EDEM2: variants seen among roughly 807,000 people sequenced by gnomAD.
The protein encoded by EDEM2 is ER degradation enhancing alpha-mannosidase like protein 2, also known as ER degradation-enhancing alpha-mannosidase-like protein 2.
Under a neutral mutation model 64.8 loss-of-function variants are expected in EDEM2, and 39 were observed. The ratio of observed to expected loss-of-function variants is 0.60; its 90% CI spans 0.47 to 0.79. The LOEUF (loss-of-function observed/expected upper bound fraction) is 0.79. Among genes scored for constraint, EDEM2 ranks in the 30% least tolerant of loss-of-function variants. The pLI is 0.00. For missense variants in EDEM2, 609 were observed against 731.3 expected, an observed-to-expected ratio of 0.83 and a Z score of 1.93; for synonymous variants, 296 against 291.5, an observed-to-expected ratio of 1.02 and a Z score of -0.16.
chr20:35,137,782 A>T (rs2085597648), intron 5 of EDEM2, 98 bp downstream of exon 5: 1 of 1,495,810 alleles, frequency 6.7e-7, no homozygotes, highest in Non-Finnish European at 9.0e-7. Flanking sequence ...CCTGGTGAGA[A>T]ATACCAGGAA....
chr20:35,142,303 C>T (rs891841745), intron 4 of EDEM2, 70 bp downstream of exon 4: 1 of 1,260,228 alleles, frequency 7.9e-7, no homozygotes, highest in Non-Finnish European at 1.1e-6. Flanking sequence ...ATCCTATTTA[C>T]CACTTCTTGG....
chr20:35,141,424 A>C (rs572041791), intron 4 of EDEM2, among the ~76,000 whole-genome samples: 51 of 152,336 alleles, frequency 3.3e-4, no homozygotes, highest in African/African-American at 9.4e-4. Context: ...TACAGATGAC[A>C]AACTGGGCTC....
At chr20:35,120,133 C>T (rs975331264) in intron 9 of EDEM2, among the ~76,000 whole-genome samples, 3 of 152,076 alleles carry the variant, frequency 2.0e-5, no homozygotes, top group Admixed American at 1.3e-4. Context: ...GTGCGATCTC[C>T]GCTCACTGCA....
intron 7 of EDEM2, among the ~76,000 whole-genome samples, chr20:35,127,284 T>C (rs1015475853): frequency 1.3e-5 from 2 of 152,150 alleles, no homozygotes; most frequent in African/African-American, 4.8e-5. Flanking sequence ...GCAGTGAAAA[T>C]GGTCTAATAC....
At chr20:35,116,003 T>C (rs1016947593) in intron 10 of EDEM2, 70 bp from the exon 11 acceptor site, 2 of 1,529,782 alleles carry the variant, frequency 1.3e-6, no homozygotes, top group Non-Finnish European at 1.8e-6. Context: ...GGCAATCCCT[T>C]AAGAAGGCCT....
intron 7 of EDEM2, among the ~76,000 whole-genome samples, chr20:35,130,446 C>A (rs929163279): frequency 6.6e-6 from 1 of 151,946 alleles, no homozygotes; most frequent in Non-Finnish European, 1.5e-5. Flanking sequence ...ACAAGTATAA[C>A]AATATATGTT....
At chr20:35,116,471 T>C (rs931899017) in intron 10 of EDEM2, among the ~76,000 whole-genome samples, 3 of 152,178 alleles carry the variant, frequency 2.0e-5, no homozygotes, top group African/African-American at 7.2e-5. Flanking sequence ...TGCCTTTCTG[T>C]CCTGAGCTAG....
At chr20:35,142,538 G>T in intron 3 of EDEM2, 60 bp from the exon 4 acceptor site, 1 of 1,314,122 alleles carries the variant, frequency 7.6e-7, no homozygotes, top group Non-Finnish European at 1.1e-6. Context: ...CAGATTCAGA[G>T]TCTGGGATCC....
chr20:35,147,108 A>C, intron 1 of EDEM2, 44 bp downstream of exon 1: 1 of 1,582,530 alleles, frequency 6.3e-7, no homozygotes, highest in Non-Finnish European at 8.6e-7. Context: ...GACCGGGTTC[A>C]CGCTTCCCAT....
chr20:35,129,452 T>A (rs761319462), intron 7 of EDEM2, among the ~76,000 whole-genome samples: 13 of 150,230 alleles, frequency 8.7e-5, no homozygotes, highest in Non-Finnish European at 1.6e-4. Flanking sequence ...GCGCCTGTAA[T>A]CCCAGCTACT....
chr20:35,125,203 T>C (rs2085415560), intron 8 of EDEM2, among the ~76,000 whole-genome samples: 1 of 24,870 alleles, frequency 4.0e-5, no homozygotes, highest in South Asian at 8.9e-4. Flanking sequence ...GGTGGCCACT[T>C]TTTTTTTTTT....
intron 5 of EDEM2, among the ~76,000 whole-genome samples, chr20:35,136,262 A>C (rs2085574633): frequency 6.6e-6 from 1 of 152,224 alleles, no homozygotes; most frequent in Non-Finnish European, 1.5e-5. Flanking sequence ...TTATAAAATG[A>C]CCAATGACCA....
At chr20:35,121,054 C>T (rs7266787) in intron 9 of EDEM2, among the ~76,000 whole-genome samples, 14,037 of 152,270 alleles carry the variant, frequency 0.092, 2,178 homozygotes, top group African/African-American at 0.32. Flanking sequence ...GTTTTGGCAC[C>T]AGGGACCAGT....
In EDEM2 at chr20:35,117,513, T is replaced by C. The variant is rs185471743; in HGVS notation, c.1236+1085A>G. Among the ~76,000 whole-genome samples, 126 of 152,270 alleles carry C rather than the reference T, an allele frequency of 8.3e-4. 1 individual carries two copies. The South Asian group carries it at 0.016, about 20-fold the overall frequency. On this transcript the variant is annotated intron_variant, in intron 10 of 10. Transcript: ENST00000374492. ...ATTCCTAGGAAGGCCCCAGTGGGCT[T>C]ATCATTTTGGTTTTTCACACAATAC...
rs17092309 is a variant in EDEM2 at position 35,123,858 on chromosome 20, T to C, written c.1114+32A>G. On this transcript the variant is annotated intron_variant, in intron 9 of 10. Coordinates refer to ENST00000374492, the MANE Select transcript of EDEM2 (RefSeq NM_018217.3). ...TTGGGGTTTCAGCAACCAGAGCCTG[T>C]GGGCAGATGACAAGCCAGAAATGCT... 27,834 of 1,609,632 alleles carry C rather than the reference T, an allele frequency of 0.017. 4,153 individuals carry two copies. In the African/African-American group the frequency reaches 0.33, roughly 19 times the overall value.
At position 35,138,017 on chromosome 20, in the gene EDEM2, A is replaced by G. The variant is rs1273486367; in HGVS notation, c.365-12T>C. 1.2e-6 allele frequency: 2 copies of G among 1,613,552 alleles called. No homozygotes were observed. The highest frequency in any genetic ancestry group is 8.5e-7 in the Non-Finnish European group (1 of 1,179,782). On this transcript the variant is annotated splice_polypyrimidine_tract_variant and intron_variant, in intron 4 of 10. Transcript: ENST00000374492. ...GAGTCCTCCTACCACTACAGATGGC[A>G]CAGAAAGCAAATGGCACAGTCCAAA...
At chr20:35,119,374 C>T (rs111641740) in intron 9 of EDEM2, among the ~76,000 whole-genome samples, 17,660 of 152,064 alleles carry the variant, frequency 0.12, 1,168 homozygotes, top group African/African-American at 0.17. Context: ...GTGAGAGGAT[C>T]GTTTGAACCC....
chr20:35,135,250 T>C (rs2085560287), intron 5 of EDEM2, among the ~76,000 whole-genome samples: 1 of 152,182 alleles, frequency 6.6e-6, no homozygotes, highest in South Asian at 2.1e-4. Context: ...TTTTTATTTA[T>C]TTTACACTAC....
rs1163185036 is a variant in EDEM2, at chr20:35,147,321, G to A, written c.-63C>T. On this transcript the variant is annotated 5_prime_UTR_variant, in exon 1 of 11. Transcript: ENST00000374492. The stretch of plus-strand genomic sequence containing the variant: ...AGCCACTGCAACCAGTTCATCCTGG[G>A]AGCTGCTGCGGGTTCTTCCGGGAAT... 7.1e-7 allele frequency: 1 copy of A among 1,403,474 alleles called. No individual in the cohort carries two copies. The highest frequency in any genetic ancestry group is 2.7e-5 in the East Asian group (1 of 36,574). 86.9% of individuals were successfully genotyped at this position (1,403,474 alleles called of 1,614,324 possible).
Sources: allele counts gnomAD v4.1 joint callset (sites outside exome capture counted in the v4.1 genomes callset), GRCh38; gene constraint gnomAD v4.1.1; transcripts MANE v1.5; gene names NCBI Gene and HGNC (gene_info 2026-07-23, HGNC 2026-07-21).